CDK6: variants seen among roughly 807,000 people sequenced by gnomAD.
The protein encoded by CDK6 is cyclin dependent kinase 6, also known as cyclin-dependent kinase 6.
CDK6 carries 6 observed loss-of-function variants against 37.1 expected under a neutral mutation model. The observed-to-expected ratio is 0.16, with a 90% confidence interval of 0.09 to 0.32. The LOEUF is 0.32. Ranked by LOEUF, CDK6 falls within the 10% of genes least tolerant of loss-of-function variation. CDK6 has a pLI of 1.00. For synonymous variants in CDK6, 160 were observed against 161.3 expected, an observed-to-expected ratio of 0.99 and a Z score of 0.06; for missense variants, 224 against 418.9, an observed-to-expected ratio of 0.53 and a Z score of 4.06.
chr7:92,786,702 CACAT>C (rs1370581376), intron 2 of CDK6, among the ~76,000 whole-genome samples: 17 of 148,526 alleles, frequency 1.1e-4, no homozygotes, highest in East Asian at 7.8e-4. Context: ...TATATACACA[CACAT>C]ACACATTATA....
chr7:92,644,439 T>C (rs1470739317), intron 5 of CDK6, among the ~76,000 whole-genome samples: 1 of 152,206 alleles, frequency 6.6e-6, no homozygotes, highest in African/African-American at 2.4e-5. Context: ...ACTCTCTTCA[T>C]GGAGCAATTT....
chr7:92,778,138 C>A (rs891355581), intron 2 of CDK6, among the ~76,000 whole-genome samples: 1 of 151,004 alleles, frequency 6.6e-6, no homozygotes, highest in Non-Finnish European at 1.5e-5. Flanking sequence ...AACAAAAAAA[C>A]CCCACCACTG....
intron 4 of CDK6, among the ~76,000 whole-genome samples, chr7:92,705,984 A>G (rs1187863719): frequency 6.6e-6 from 1 of 152,252 alleles, no homozygotes; most frequent in Non-Finnish European, 1.5e-5. Context: ...TGAAAGCCTC[A>G]GGAATTTCTT....
chr7:92,749,743 G>C (rs1196438893), intron 3 of CDK6, among the ~76,000 whole-genome samples: 1 of 151,982 alleles, frequency 6.6e-6, no homozygotes, highest in Non-Finnish European at 1.5e-5. Flanking sequence ...GTCCTGTGAG[G>C]GTATGCAATA....
At chr7:92,740,109 G>A (rs1368799666) in intron 3 of CDK6, among the ~76,000 whole-genome samples, 2 of 152,084 alleles carry the variant, frequency 1.3e-5, no homozygotes, top group Non-Finnish European at 2.9e-5. Context: ...GTCCCCCACT[G>A]TTCACTATAA....
At chr7:92,759,984 T>C (rs1234688430) in intron 3 of CDK6, among the ~76,000 whole-genome samples, 1 of 152,286 alleles carries the variant, frequency 6.6e-6, no homozygotes, top group East Asian at 1.9e-4. Context: ...TCAGCATTCA[T>C]AATATCTTAT....
chr7:92,748,690 T>A (rs983751807), intron 3 of CDK6, among the ~76,000 whole-genome samples: 1 of 152,032 alleles, frequency 6.6e-6, no homozygotes, highest in Non-Finnish European at 1.5e-5. Flanking sequence ...ATAGAATAAA[T>A]AAAATGAAAT....
intron 4 of CDK6, among the ~76,000 whole-genome samples, chr7:92,703,088 G>C (rs1797893016): frequency 6.6e-6 from 1 of 152,138 alleles, no homozygotes. Flanking sequence ...ACCCCATATA[G>C]AGCTTATAAA....
intron 3 of CDK6, among the ~76,000 whole-genome samples, chr7:92,763,371 T>C (rs1799504448): frequency 6.6e-6 from 1 of 152,244 alleles, no homozygotes; most frequent in African/African-American, 2.4e-5. Flanking sequence ...GCAAGTCTGG[T>C]AATGGTTTAC....
chr7:92,661,852 A>G (rs1460421978), intron 5 of CDK6, among the ~76,000 whole-genome samples: 1 of 152,226 alleles, frequency 6.6e-6, no homozygotes, highest in African/African-American at 2.4e-5. Context: ...GGTCAACTGT[A>G]CAGAGCGTGG....
At position 92,833,522 on chromosome 7, in the gene CDK6, G is replaced by T. The variant is rs778130838; in HGVS notation, c.-199C>A. 8.6e-5 allele frequency: 48 copies of T among 557,432 alleles called. No individual in the cohort carries two copies. Among genetic ancestry groups the T allele is most frequent in the Middle Eastern group, 4.7e-4 (1 of 2,120 alleles). The allele number at this position is 557,432 out of a possible 1,614,324, so 34.5% of individuals were successfully genotyped here. A position where few individuals can be genotyped will look rare whatever the true frequency, so the allele number is the denominator to read the frequency against. ...ATGGAGAGACCTCCCCGCGGGGCTGGCGTAACCCTGGTGCCGCCGCCGCGA... is the reference window on the plus strand; with the variant it reads ...ATGGAGAGACCTCCCCGCGGGGCTGTCGTAACCCTGGTGCCGCCGCCGCGA... On this transcript the variant is annotated 5_prime_UTR_variant, in exon 2 of 8. Coordinates refer to ENST00000424848, the MANE Select transcript of CDK6 (RefSeq NM_001145306.2). This position sits in a 1 kb window ranked among gnomAD's most constrained non-coding sequence, Gnocchi z 6.1.
intron 4 of CDK6, among the ~76,000 whole-genome samples, chr7:92,677,379 A>G (rs1180975372): frequency 1.3e-5 from 2 of 152,218 alleles, no homozygotes; most frequent in Non-Finnish European, 2.9e-5. Context: ...GCACTTTGGG[A>G]GGCTGAAGCA....
intron 5 of CDK6, among the ~76,000 whole-genome samples, chr7:92,625,532 CAAAAA>C (rs67461662): frequency 1.4e-5 from 2 of 142,614 alleles, no homozygotes; most frequent in Non-Finnish European, 3.1e-5. Flanking sequence ...TGCAGTTTTG[CAAAAA>C]AAAACAAAAC....
chr7:92,662,114 C>G (rs753444232), intron 5 of CDK6, among the ~76,000 whole-genome samples: 1 of 152,102 alleles, frequency 6.6e-6, no homozygotes, highest in Non-Finnish European at 1.5e-5. Flanking sequence ...AAGTGAGAAC[C>G]TAGAAGCAGG....
intron 6 of CDK6, among the ~76,000 whole-genome samples, chr7:92,622,450 C>T (rs771579487): frequency 2.6e-5 from 4 of 152,122 alleles, no homozygotes; most frequent in Non-Finnish European, 5.9e-5. Context: ...AAAGTGCTTA[C>T]TATGTGCCAG....
chr7:92,690,575 A>G (rs1466655594), intron 4 of CDK6, among the ~76,000 whole-genome samples: 1 of 152,018 alleles, frequency 6.6e-6, no homozygotes, highest in Admixed American at 6.6e-5. Flanking sequence ...TTTGTTCAAA[A>G]AGAAATATTT....
chr7:92,765,919 G>C (rs1335797796), intron 3 of CDK6, among the ~76,000 whole-genome samples: 1 of 152,176 alleles, frequency 6.6e-6, no homozygotes, highest in African/African-American at 2.4e-5. Flanking sequence ...GAGCTAGAGG[G>C]TGTGGAGCAT....
chr7:92,621,601 G>A (rs1167609592), intron 6 of CDK6, among the ~76,000 whole-genome samples: 2 of 152,190 alleles, frequency 1.3e-5, no homozygotes, highest in Non-Finnish European at 2.9e-5. Context: ...CAGTATGTCT[G>A]CTTTCCCTAG....
intron 2 of CDK6, among the ~76,000 whole-genome samples, chr7:92,819,447 G>A (rs1461134657): frequency 6.6e-6 from 1 of 152,050 alleles, no homozygotes; most frequent in Non-Finnish European, 1.5e-5. Flanking sequence ...GATATTGATT[G>A]TGGTGGTGGT....
Sources: allele counts gnomAD v4.1 joint callset (sites outside exome capture counted in the v4.1 genomes callset), GRCh38; gene constraint gnomAD v4.1.1; non-coding constraint Gnocchi (gnomAD v3.1); transcripts MANE v1.5; gene names NCBI Gene and HGNC (gene_info 2026-07-23, HGNC 2026-07-21).